The following SLIT2 variants were observed in gnomAD, a reference collection of about 807,000 sequenced individuals.
SLIT2 encodes slit homolog 2 protein.
In SLIT2, 41 loss-of-function variants were observed where a neutral mutation model predicts 185.7. The observed-to-expected ratio is 0.22, with a 90% CI of 0.17 to 0.29. The LOEUF is 0.29. Among genes scored for constraint, SLIT2 ranks in the 10% least tolerant of loss-of-function variants. SLIT2 has a pLI of 1.00. For missense variants in SLIT2, 1,571 were observed against 1,909.0 expected (o/e 0.82, Z 3.30); for synonymous variants, 693 against 680.2 (o/e 1.02, Z -0.29).
At chr4:20,616,787 A>G (rs1031122775) in intron 34 of SLIT2, 123 bp from the exon 35 acceptor site, 1 of 1,069,468 alleles carries the variant, frequency 9.4e-7, no homozygotes, top group African/African-American at 1.6e-5. Flanking sequence ...CTTCCCTACC[A>G]CCCTGCCCAA....
At chr4:20,527,262 TA>T (rs1203750264) in intron 15 of SLIT2, among the ~76,000 whole-genome samples, 2 of 152,164 alleles carry the variant, frequency 1.3e-5, no homozygotes, top group Non-Finnish European at 2.9e-5. Flanking sequence ...ATTACAGTGA[TA>T]AAAGAAAATC....
intron 12 of SLIT2, among the ~76,000 whole-genome samples, chr4:20,522,840 G>A (rs1720954197): frequency 6.6e-6 from 1 of 152,100 alleles, no homozygotes; most frequent in African/African-American, 2.4e-5. Flanking sequence ...AGTATGTGCT[G>A]GGCAGTCTGG....
At chr4:20,595,658 T>C (rs765791658) in intron 30 of SLIT2, 39 bp from the exon 31 acceptor site, 1 of 1,607,590 alleles carries the variant, frequency 6.2e-7, no homozygotes. Flanking sequence ...TTATTTTGGC[T>C]CAGTTGGGTT....
intron 4 of SLIT2, among the ~76,000 whole-genome samples, chr4:20,404,739 A>G (rs1726634930): frequency 6.6e-6 from 1 of 152,042 alleles, no homozygotes; most frequent in African/African-American, 2.4e-5. Context: ...GTATAGTTAT[A>G]AAATTATACC....
intron 4 of SLIT2, among the ~76,000 whole-genome samples, chr4:20,455,775 A>C (rs576686705): frequency 5.4e-4 from 82 of 152,140 alleles, no homozygotes; most frequent in Non-Finnish European, 1.1e-3. Flanking sequence ...CAGTTTACAC[A>C]GGTAAACTTT....
chr4:20,405,919 A>T (rs1230789307), intron 4 of SLIT2, among the ~76,000 whole-genome samples: 1 of 107,578 alleles, frequency 9.3e-6, no homozygotes, highest in Non-Finnish European at 2.3e-5. Context: ...ATTCACAAAC[A>T]TTACCTTGGC....
chr4:20,270,058 A>G (rs1410174823), intron 4 of SLIT2, among the ~76,000 whole-genome samples: 1 of 151,972 alleles, frequency 6.6e-6, no homozygotes, highest in Non-Finnish European at 1.5e-5. Flanking sequence ...GGACCAATTT[A>G]AGTAAATTTT....
At position 20,491,778 on chromosome 4, in the gene SLIT2, G is replaced by C. The variant is rs746802621; in HGVS notation, c.793G>C (p.Ala265Pro). 6.2e-7 allele frequency: 1 copy of C among 1,610,730 alleles called. No individual in the cohort carries two copies. Among genetic ancestry groups the C allele is most frequent in the Non-Finnish European group, 8.5e-7 (1 of 1,178,350 alleles). ...TTTTTTAGGTCACCAGTCATTTATG[G>C]CTCCTTCTTGTAGTGTTTTGCACTG... ...FVCSGHQSFM[A>P]PSCSVLHCPA... The change falls in exon 9 of 37, where the codon GCT becomes CCT. Residue 265 changes from alanine (A) to proline (P), a missense_variant. This residue lies in a region of SLIT2 where 1,202 missense variants were observed against 1,416.4 expected (regional missense o/e 0.85). Transcript: ENST00000504154.
intron 29 of SLIT2, among the ~76,000 whole-genome samples, chr4:20,582,063 AG>A (rs1726625999): frequency 6.6e-6 from 1 of 152,138 alleles, no homozygotes; most frequent in Non-Finnish European, 1.5e-5. Context: ...CTCTTTTCAA[AG>A]TGCAGATGTC....
intron 1 of SLIT2, among the ~76,000 whole-genome samples, chr4:20,256,316 T>TGGGG (rs71181554): frequency 5.8e-4 from 86 of 149,536 alleles, no homozygotes; most frequent in African/African-American, 1.9e-3. Context: ...ACTTTTTTTT[T>TGGGG]GGGGGGGGTG....
At chr4:20,525,109 T>C in intron 14 of SLIT2, 40 bp from the exon 15 acceptor site, 1 of 1,499,560 alleles carries the variant, frequency 6.7e-7, no homozygotes, top group Non-Finnish European at 9.3e-7. Context: ...TTGCTGACAT[T>C]CAGGTGCATC....
At chr4:20,537,456 G>A (rs1374226706) in intron 18 of SLIT2, among the ~76,000 whole-genome samples, 3 of 152,014 alleles carry the variant, frequency 2.0e-5, no homozygotes, top group Non-Finnish European at 2.9e-5. Flanking sequence ...GAATTTGAGG[G>A]GGACACAGTT....
chr4:20,334,895 T>A (rs577261342), intron 4 of SLIT2, among the ~76,000 whole-genome samples: 75 of 152,296 alleles, frequency 4.9e-4, no homozygotes, highest in Middle Eastern at 3.4e-3. Context: ...TGACATAGAA[T>A]CCAGCACACT....
At chr4:20,515,013 T>C in intron 11 of SLIT2, among the ~76,000 whole-genome samples, 1 of 152,204 alleles carries the variant, frequency 6.6e-6, no homozygotes, top group Non-Finnish European at 1.5e-5. Flanking sequence ...TTTTATTGTT[T>C]TCTGCTTATT....
At chr4:20,461,675 G>T (rs1054756305) in intron 4 of SLIT2, among the ~76,000 whole-genome samples, 2 of 152,160 alleles carry the variant, frequency 1.3e-5, no homozygotes, top group African/African-American at 4.8e-5. Context: ...GAGCTGAGAG[G>T]ATTTGCTAGT....
intron 26 of SLIT2, chr4:20,554,172 C>T (rs1178880400): frequency 1.6e-6 from 1 of 607,720 alleles, no homozygotes; most frequent in African/African-American, 1.8e-5. Flanking sequence ...CAGAAATAGT[C>T]CATTGGTAAT....
chr4:20,382,530 A>C (rs1409607267), intron 4 of SLIT2, among the ~76,000 whole-genome samples: 1 of 152,200 alleles, frequency 6.6e-6, no homozygotes, highest in Non-Finnish European at 1.5e-5. Flanking sequence ...CTAGCAATGT[A>C]ATTAAAAATT....
chr4:20,414,347 C>A (rs1727492278), intron 4 of SLIT2, among the ~76,000 whole-genome samples: 1 of 152,142 alleles, frequency 6.6e-6, no homozygotes, highest in Admixed American at 6.5e-5. Context: ...AACAAGGCAA[C>A]TTGTAACTGT....
intron 4 of SLIT2, among the ~76,000 whole-genome samples, chr4:20,330,164 A>G (rs576096619): frequency 1.3e-5 from 2 of 152,118 alleles, no homozygotes; most frequent in Admixed American, 6.6e-5. Flanking sequence ...TGAATGATCA[A>G]TTTATTCTGT....
Sources: allele counts gnomAD v4.1 joint callset (sites outside exome capture counted in the v4.1 genomes callset), GRCh38; gene constraint gnomAD v4.1.1; regional missense constraint gnomAD v4.1.1; transcripts MANE v1.5; gene names NCBI Gene and HGNC (gene_info 2026-07-23, HGNC 2026-07-21).